TRPM3: variants seen among roughly 807,000 people sequenced by gnomAD.
The protein encoded by TRPM3 is transient receptor potential cation channel subfamily M member 3, also known as long transient receptor potential channel 3.
TRPM3 carries 77 observed loss-of-function variants against 181.2 expected under a neutral mutation model. That is an observed-to-expected ratio of 0.42 (90% confidence interval 0.35 to 0.51). The LOEUF (loss-of-function observed/expected upper bound fraction) is 0.51. Ranked by LOEUF, TRPM3 falls within the 20% of genes least tolerant of loss-of-function variation. The pLI, the probability that TRPM3 is intolerant of heterozygous loss-of-function variation, is 0.01. For missense variants in TRPM3, 1,759 were observed against 2,196.7 expected (o/e 0.80, Z 3.98); for synonymous variants, 745 against 796.4 (o/e 0.94, Z 1.09).
chr9:71,367,217 G>GA (rs2092363317), intron 1 of TRPM3, among the ~76,000 whole-genome samples: 1 of 152,146 alleles, frequency 6.6e-6, no homozygotes, highest in Non-Finnish European at 1.5e-5. Context: ...GTATATGAAT[G>GA]ATCAAGAGCA....
At chr9:71,134,813 C>G (rs1216905742) in intron 1 of TRPM3, among the ~76,000 whole-genome samples, 4 of 152,158 alleles carry the variant, frequency 2.6e-5, no homozygotes, top group African/African-American at 9.7e-5. Context: ...GACTTTGAAG[C>G]TCAGAGTCAA....
intron 8 of TRPM3, among the ~76,000 whole-genome samples, chr9:70,759,800 A>C (rs1238786142): frequency 1.3e-5 from 2 of 151,756 alleles, no homozygotes; most frequent in Non-Finnish European, 2.9e-5. Context: ...ACATGGACAC[A>C]GGGAGGGTAA....
At chr9:70,605,852 T>C (rs2132861848) in intron 19 of TRPM3, among the ~76,000 whole-genome samples, 1 of 152,364 alleles carries the variant, frequency 6.6e-6, no homozygotes, top group African/African-American at 2.4e-5. Flanking sequence ...GCCCAAATGA[T>C]TGCAAAACAT....
chr9:71,300,729 T>C (rs1340702365), intron 1 of TRPM3, among the ~76,000 whole-genome samples: 1 of 152,140 alleles, frequency 6.6e-6, no homozygotes. Context: ...GCCAGTTCTT[T>C]TTTTCTTACA....
At chr9:70,968,672 GT>G (rs1173202887) in intron 1 of TRPM3, among the ~76,000 whole-genome samples, 3 of 151,808 alleles carry the variant, frequency 2.0e-5, no homozygotes, top group South Asian at 2.1e-4. Context: ...TTGTGGGATG[GT>G]TTTTTTTGTG....
chr9:71,298,278 A>T (rs1456173571), intron 1 of TRPM3, among the ~76,000 whole-genome samples: 1 of 152,098 alleles, frequency 6.6e-6, no homozygotes, highest in East Asian at 1.9e-4. Context: ...TTTGCTTCTC[A>T]TCAGGAAGTA....
At chr9:71,054,853 C>G (rs2060478692) in intron 1 of TRPM3, among the ~76,000 whole-genome samples, 1 of 152,102 alleles carries the variant, frequency 6.6e-6, no homozygotes, top group Non-Finnish European at 1.5e-5. Context: ...CCCTTAACCT[C>G]TTCAGTCCCC....
intron 22 of TRPM3, among the ~76,000 whole-genome samples, chr9:70,558,581 G>A (rs989430488): frequency 2.0e-5 from 3 of 152,144 alleles, no homozygotes; most frequent in African/African-American, 7.2e-5. Flanking sequence ...GATAAAGCTC[G>A]AATTTTGTCC....
chr9:71,231,797 C>T (rs1021571731), intron 1 of TRPM3, among the ~76,000 whole-genome samples: 3 of 152,224 alleles, frequency 2.0e-5, no homozygotes, highest in African/African-American at 2.4e-5. Context: ...GGATGGTAAG[C>T]GGGTTTGGGT....
At position 70,625,151 on chromosome 9, in the gene TRPM3, G is replaced by C. The variant is rs1204978819; in HGVS notation, c.1809+40C>G. 5.0e-6 allele frequency: 8 copies of C among 1,611,964 alleles called. No individual in the cohort carries two copies. The highest frequency in any genetic ancestry group is 6.8e-6 in the Non-Finnish European group (8 of 1,178,856). On this transcript the variant is annotated intron_variant, in intron 14 of 25. Transcript: ENST00000677713. The surrounding 1 kb of genome is among the most constrained non-coding windows in gnomAD (Gnocchi z 4.8). ...CACAACCCAAATCCCATACACCCTA[G>C]TCCTCCCAGGAAGGGCCCCGAATTT...
chr9:70,536,891 G>A lies in TRPM3; in HGVS notation c.4222C>T (p.Pro1408Ser). 1 of 1,614,212 alleles carries A rather than the reference G, an allele frequency of 6.2e-7. No homozygotes were observed. Residue 1408 changes from proline (P) to serine (S), a missense_variant, in exon 26 of 26, where the codon CCA becomes TCA. This residue lies in a region of TRPM3 where 612 missense variants were observed against 590.0 expected (regional missense o/e 1.04). Coordinates refer to ENST00000677713, the MANE Select transcript of TRPM3 (RefSeq NM_001366145.2). ...TLAIVPDSRRPSSCIDIYVSA... is the reference protein window; with the variant it reads ...TLAIVPDSRRSSSCIDIYVSA... ...ACATAGATGTCTATACACGATGATG[G>A]TCTTCTGGAATCAGGAACAATGGCC...
intron 9 of TRPM3, among the ~76,000 whole-genome samples, chr9:70,653,920 T>A (rs183164067): frequency 3.9e-5 from 6 of 152,238 alleles, no homozygotes; most frequent in Admixed American, 3.9e-4. Context: ...AAAGTTCTGT[T>A]TTCCTATATT....
intron 1 of TRPM3, among the ~76,000 whole-genome samples, chr9:71,175,140 A>G (rs2077044980): frequency 6.6e-6 from 1 of 152,206 alleles, no homozygotes; most frequent in South Asian, 2.1e-4. Context: ...TTTCCCACAC[A>G]TTTGGAAGTG....
intron 1 of TRPM3, among the ~76,000 whole-genome samples, chr9:71,376,239 G>A (rs2092662918): frequency 6.6e-6 from 1 of 151,756 alleles, no homozygotes; most frequent in East Asian, 1.9e-4. Context: ...AGAAGAAATG[G>A]AATTTTATAT....
rs2081059779 is a variant in TRPM3 at position 71,231,658 on chromosome 9, C to T, written c.183+214995G>A. ...ACATGATGCAGCTGGAGGCCATTAT[C>T]CTAAGTAAATTAACATAGCAACAGA... On this transcript the variant is annotated intron_variant, in intron 1 of 24. Transcript: ENST00000357533. Among the ~76,000 whole-genome samples, 3 of 152,132 alleles carry T rather than the reference C, an allele frequency of 2.0e-5. No homozygotes were observed. In the South Asian group the frequency reaches 6.2e-4, roughly 32 times the overall value.
intron 1 of TRPM3, among the ~76,000 whole-genome samples, chr9:71,328,673 A>G (rs1359447171): frequency 1.3e-5 from 2 of 152,180 alleles, no homozygotes; most frequent in Non-Finnish European, 2.9e-5. Context: ...CAATTTCCTC[A>G]TCCTTTCTGA....
chr9:70,811,257 A>G, intron 6 of TRPM3: 1 of 1,593,222 alleles, frequency 6.3e-7, no homozygotes, highest in Non-Finnish European at 8.6e-7. Context: ...GTCAAAAAAT[A>G]AAATCTTTGA....
At chr9:70,570,495 G>T (rs1167083475) in intron 22 of TRPM3, among the ~76,000 whole-genome samples, 1 of 151,954 alleles carries the variant, frequency 6.6e-6, no homozygotes, top group East Asian at 1.9e-4. Context: ...TTTTAGTAGA[G>T]ATGGGGTTTC....
intron 1 of TRPM3, among the ~76,000 whole-genome samples, chr9:71,368,977 T>G (rs10781015): frequency 0.76 from 115,923 of 152,066 alleles, 44,605 homozygotes; most frequent in Middle Eastern, 0.82. Context: ...GTAAACTGAA[T>G]GATCATGAAA....
Sources: gnomAD v4.1 joint callset for allele counts (sites outside exome capture counted in the v4.1 genomes callset) on GRCh38, gnomAD v4.1.1 for gene constraint, gnomAD v4.1.1 regional missense constraint, Gnocchi (gnomAD v3.1) non-coding constraint, MANE v1.5 for transcripts, NCBI Gene and HGNC (gene_info 2026-07-23, HGNC 2026-07-21) for gene names.